FBXO11: variants seen among roughly 807,000 people sequenced by gnomAD.
FBXO11 encodes F-box protein 11, also known as F-box only protein 11.
Under a neutral mutation model 117.0 loss-of-function variants are expected in FBXO11, and 13 were observed. The ratio of observed to expected loss-of-function variants is 0.11; its 90% CI spans 0.07 to 0.18. The LOEUF is 0.18. Among genes scored for constraint, FBXO11 ranks in the 10% least tolerant of loss-of-function variants. The pLI, the probability that FBXO11 is intolerant of heterozygous loss-of-function variation, is 1.00. For missense variants in FBXO11, 767 were observed against 1,164.4 expected (o/e 0.66, Z 4.97); for synonymous variants, 490 against 380.5 (o/e 1.29, Z -3.35).
chr2:47,835,230 A>G (rs536507437), intron 5 of FBXO11, among the ~76,000 whole-genome samples: 1 of 152,240 alleles, frequency 6.6e-6, no homozygotes, highest in African/African-American at 2.4e-5. Context: ...GTCTCCCGAC[A>G]TCGCCAAATG....
chr2:47,860,247 C>A (rs1210236134), intron 1 of FBXO11, among the ~76,000 whole-genome samples: 1 of 152,120 alleles, frequency 6.6e-6, no homozygotes, highest in African/African-American at 2.4e-5. Context: ...TATCACTGTG[C>A]CCTGACTAGC....
chr2:47,893,378 T>A (rs1677409811), intron 1 of FBXO11, among the ~76,000 whole-genome samples: 1 of 152,116 alleles, frequency 6.6e-6, no homozygotes, highest in Non-Finnish European at 1.5e-5. Flanking sequence ...ACACACATAC[T>A]GGAGATATAA....
At chr2:47,857,377 T>C (rs1674381540) in intron 1 of FBXO11, among the ~76,000 whole-genome samples, 1 of 152,044 alleles carries the variant, frequency 6.6e-6, no homozygotes, top group Non-Finnish European at 1.5e-5. Context: ...TGCCTCAGCC[T>C]CCCAAAGTGT....
rs1185895338 is a variant in FBXO11, at chr2:47,838,945, G to T, written c.501C>A (p.Ile167=). ...EKLPDEVVLK[I]FSYLLEQDLC... ...GATCCTGTTCCAGCAAGTAAGAGAA[G>T]ATTTTTAGAACCACTTCATCTGGCA... Residue 167 remains isoleucine, a synonymous_variant, in exon 4 of 23, where the codon ATC becomes ATA. Coordinates refer to ENST00000403359, the MANE Select transcript of FBXO11 (RefSeq NM_001190274.2). The T allele has an allele frequency of 6.2e-7, 1 of 1,613,966 alleles. No individual in the cohort carries two copies. The highest frequency in any genetic ancestry group is 1.3e-5 in the African/African-American group (1 of 74,938).
chr2:47,810,161 T>C, intron 19 of FBXO11, 155 bp downstream of exon 19: 1 of 568,194 alleles, frequency 1.8e-6, no homozygotes, highest in African/African-American at 1.9e-5. Context: ...ATCCAGAACT[T>C]GATTAGGTGC....
chr2:47,843,496 C>A (rs963312507), intron 1 of FBXO11, among the ~76,000 whole-genome samples: 4 of 151,598 alleles, frequency 2.6e-5, no homozygotes, highest in African/African-American at 9.7e-5. Context: ...TTTGGACACA[C>A]AGATTCAAGA....
At chr2:47,849,124 G>A (rs1195339705) in intron 1 of FBXO11, among the ~76,000 whole-genome samples, 2 of 151,962 alleles carry the variant, frequency 1.3e-5, no homozygotes, top group Admixed American at 6.6e-5. Flanking sequence ...TTCTAACACA[G>A]TTGGAAACTA....
chr2:47,823,404 C>CA (rs1553338652), intron 11 of FBXO11, 44 bp from the exon 12 acceptor site: 5 of 1,383,514 alleles, frequency 3.6e-6, no homozygotes, highest in Middle Eastern at 1.8e-4. Context: ...GCCTACTTTA[C>CA]AAAAAAAGAA....
chr2:47,864,090 T>C (rs1440918640), intron 1 of FBXO11, among the ~76,000 whole-genome samples: 3 of 152,198 alleles, frequency 2.0e-5, no homozygotes, highest in South Asian at 4.1e-4. Context: ...AAGCTGGTAA[T>C]TTGGTCATGT....
In FBXO11 at chr2:47,817,038, G is replaced by C. The variant is rs189819750; in HGVS notation, c.2006+1741C>G. On this transcript the variant is annotated intron_variant, in intron 16 of 22. Transcript: ENST00000403359. ...CCCTCTAGCTATGAATGTTCTGGAT[G>C]CATCTTCTTCCAATATAAAACTATT... 5.0e-4 allele frequency among the ~76,000 whole-genome samples: 76 copies of C among 152,310 alleles called. No individual in the cohort carries two copies. In the East Asian group the frequency reaches 0.012, roughly 25 times the overall value.
intron 14 of FBXO11, 142 bp from the exon 15 acceptor site, chr2:47,819,220 G>C: frequency 2.7e-6 from 2 of 728,994 alleles, no homozygotes; most frequent in Non-Finnish European, 4.3e-6. Flanking sequence ...ATATTCTTTT[G>C]TTTTGTTTTG....
intron 1 of FBXO11, among the ~76,000 whole-genome samples, chr2:47,899,954 C>T (rs1331611810): frequency 3.5e-5 from 5 of 143,066 alleles, no homozygotes; most frequent in South Asian, 2.2e-4. Flanking sequence ...CGGTGGGGGG[C>T]GGGGGGACTT....
chr2:47,817,690 C>T (rs1015126092), intron 16 of FBXO11, among the ~76,000 whole-genome samples: 20 of 152,256 alleles, frequency 1.3e-4, no homozygotes, highest in African/African-American at 4.1e-4. Flanking sequence ...GGCCTAATTT[C>T]GATACTGTTG....
At position 47,836,176 on chromosome 2, in the gene FBXO11, T is replaced by C. The variant is rs531194114; in HGVS notation, c.588-175A>G. Among the ~76,000 whole-genome samples, 195 of 152,168 alleles carry C rather than the reference T, an allele frequency of 1.3e-3. 1 individual carries two copies. Among genetic ancestry groups the C allele is most frequent in the African/African-American group, 4.4e-3 (182 of 41,544 alleles). On this transcript the variant is annotated intron_variant, in intron 4 of 22. Coordinates refer to ENST00000403359, the MANE Select transcript of FBXO11 (RefSeq NM_001190274.2). ...TTTTTGAGACACAGTCTCACTGTCA[T>C]CCAGGCTAGAATGCAAGTGGCATGA...
At chr2:47,887,327 C>G (rs1169343455) in intron 1 of FBXO11, among the ~76,000 whole-genome samples, 1 of 150,888 alleles carries the variant, frequency 6.6e-6, no homozygotes, top group African/African-American at 2.4e-5. Flanking sequence ...AAGACCCTAT[C>G]TCGAATTTTT....
intron 11 of FBXO11, among the ~76,000 whole-genome samples, chr2:47,823,922 C>A (rs1045275238): frequency 1.3e-5 from 2 of 151,762 alleles, no homozygotes; most frequent in Non-Finnish European, 2.9e-5. Context: ...TCATAGCTCA[C>A]GCAGCCTCAA....
intron 1 of FBXO11, among the ~76,000 whole-genome samples, chr2:47,865,217 C>T (rs916617285): frequency 6.6e-6 from 1 of 152,156 alleles, no homozygotes; most frequent in Non-Finnish European, 1.5e-5. Context: ...TTTACCCCTT[C>T]GGTGATAGAA....
intron 1 of FBXO11, among the ~76,000 whole-genome samples, chr2:47,888,070 A>G (rs1676999718): frequency 6.6e-6 from 1 of 152,122 alleles, no homozygotes; most frequent in Non-Finnish European, 1.5e-5. Flanking sequence ...GTATTCTTTA[A>G]TTCACTTAAG....
rs751404253 is a variant in FBXO11, at chr2:47,825,571, C to CTT, written c.1399-2213_1399-2212dup. ...GTCTGGTGGATTTTTTCTTCTTCTT[C>CTT]TTTTTTTTTTTTTTTTTTTTTTTTT... On this transcript the variant is annotated intron_variant, in intron 11 of 22. Coordinates refer to ENST00000403359, the MANE Select transcript of FBXO11 (RefSeq NM_001190274.2). 9.7e-3 allele frequency among the ~76,000 whole-genome samples: 860 copies of CTT among 88,270 alleles called. 34 individuals are homozygous for CTT. The highest frequency in any genetic ancestry group is 0.033 in the African/African-American group (725 of 22,182). The allele number at this position is 88,270 out of a possible 152,430, so 57.9% of individuals were successfully genotyped here.
Sources: allele counts gnomAD v4.1 joint callset (sites outside exome capture counted in the v4.1 genomes callset), GRCh38; gene constraint gnomAD v4.1.1; transcripts MANE v1.5; gene names NCBI Gene and HGNC (gene_info 2026-07-23, HGNC 2026-07-21).